TOR3A: variants seen among roughly 807,000 people sequenced by gnomAD.
TOR3A encodes torsin family 3 member A.
TOR3A carries 44 observed loss-of-function variants against 42.1 expected under a neutral mutation model. That is an observed-to-expected ratio of 1.04 (90% CI 0.82 to 1.34). The LOEUF (loss-of-function observed/expected upper bound fraction) is 1.34. TOR3A is among the 40% of genes most tolerant of loss of function. The pLI is 0.00. For synonymous variants in TOR3A, 227 were observed against 213.2 expected (o/e 1.06, Z -0.57); for missense variants, 521 against 507.6 (o/e 1.03, Z -0.25).
At position 179,093,996 on chromosome 1, in the gene TOR3A, A is replaced by C. The variant is rs1216034100; in HGVS notation, c.819-97A>C. 6 of 1,470,928 alleles carry C rather than the reference A, an allele frequency of 4.1e-6. No homozygotes were observed. The African/African-American group carries it at 5.6e-5, about 14-fold the overall frequency. The allele number at this position is 1,470,928 out of a possible 1,614,324, so 91.1% of individuals were successfully genotyped here. ...AGAAGGTCCACGCCCCTCAGCCTCT[A>C]TTCTTCCAGGCACTAATGCATTGGT... is the stretch of plus-strand genomic sequence containing the variant. On this transcript the variant is annotated intron_variant, in intron 4 of 5. Transcript: ENST00000367627.
rs1652644947 is a variant in TOR3A at position 179,093,320 on chromosome 1, TGAGA to T, written c.819-768_819-765del. Among the ~76,000 whole-genome samples the T allele has an allele frequency of 1.3e-5, 2 of 152,166 alleles. 1 individual carries two copies. Among genetic ancestry groups the T allele is most frequent in the South Asian group, 4.1e-4 (2 of 4,824 alleles). ...CCAGTTGCCCAGTGATATCACAACC[TGAGA>T]GAGATCACAGGCAAGCAAAAAACAC... On this transcript the variant is annotated intron_variant, in intron 4 of 5. Transcript: ENST00000367627.
chr1:179,084,330 G>A (rs1652373850), intron 2 of TOR3A, among the ~76,000 whole-genome samples: 1 of 152,110 alleles, frequency 6.6e-6, no homozygotes, highest in South Asian at 2.1e-4. Flanking sequence ...AGGTTCAAGC[G>A]ATTCTCTTCC....
At chr1:179,086,483 G>A (rs1200519167) in intron 3 of TOR3A, among the ~76,000 whole-genome samples, 1 of 152,218 alleles carries the variant, frequency 6.6e-6, no homozygotes, top group East Asian at 1.9e-4. Context: ...TGGCTAACAC[G>A]GTGAAACCCC....
chr1:179,082,898 C>A, intron 1 of TOR3A, 42 bp from the exon 2 acceptor site: 1 of 1,364,392 alleles, frequency 7.3e-7, no homozygotes. Context: ...CTGTAGAGCA[C>A]CGGATGGTCT....
chr1:179,084,971 A>C (rs1652389279), intron 2 of TOR3A, among the ~76,000 whole-genome samples: 1 of 152,232 alleles, frequency 6.6e-6, no homozygotes, highest in Non-Finnish European at 1.5e-5. Context: ...TCCATAAAAC[A>C]GGGAGCCCTG....
chr1:179,082,924 GCTC>G lies in TOR3A; in HGVS notation c.260-10_260-8del, dbSNP rs778105463. ...CGGATGGTCTCCTCTCGGTCTCACA[GCTC>G]CTCCTTTTCCAGGCTGGCGCCTTCC... On this transcript the variant is annotated splice_polypyrimidine_tract_variant and intron_variant, in intron 1 of 5. Coordinates refer to ENST00000367627, the MANE Select transcript of TOR3A (RefSeq NM_022371.4). The G allele has an allele frequency of 1.2e-5, 19 of 1,537,264 alleles. No individual in the cohort carries two copies. In the Admixed American group the frequency reaches 3.4e-4, roughly 27 times the overall value.
chr1:179,082,983 G>A lies in TOR3A; in HGVS notation c.303G>A (p.Leu101=). 2 of 1,591,148 alleles carry A rather than the reference G, an allele frequency of 1.3e-6. No homozygotes were observed. Among genetic ancestry groups the A allele is most frequent in the Non-Finnish European group, 1.7e-6 (2 of 1,169,410 alleles). ...PLLGQRYLDL[L]TTWYCSFKDC... ...TGGGCCAGCGGTACCTGGACCTCCT[G>A]ACCACGTGGTACTGCAGCTTCAAAG... is the stretch of plus-strand genomic sequence containing the variant. The change falls in exon 2 of 6, where the codon CTG becomes CTA. Residue 101 remains leucine, a synonymous_variant. Transcript: ENST00000367627.
intron 3 of TOR3A, 112 bp downstream of exon 3, chr1:179,086,005 G>C (rs936071216): frequency 1.7e-5 from 24 of 1,376,220 alleles, no homozygotes; most frequent in Non-Finnish European, 2.4e-5. Flanking sequence ...GTGGGGACAG[G>C]TGGCAGAACC....
At chr1:179,083,246 C>G (rs914618467) in intron 2 of TOR3A, among the ~76,000 whole-genome samples, 193 bp downstream of exon 2, 27 of 152,108 alleles carry the variant, frequency 1.8e-4, no homozygotes, top group African/African-American at 6.5e-4. Context: ...TAGCCTCTAG[C>G]TTAATAGCCC....
intron 5 of TOR3A, among the ~76,000 whole-genome samples, chr1:179,094,762 C>T (rs1160834539): frequency 6.6e-6 from 1 of 152,114 alleles, no homozygotes; most frequent in Non-Finnish European, 1.5e-5. Flanking sequence ...GCCTGTGGTC[C>T]CAGTTACTCA....
chr1:179,095,410 TTTG>T lies in TOR3A; in HGVS notation c.*193_*195del. On this transcript the variant is annotated 3_prime_UTR_variant, in exon 6 of 6. Transcript: ENST00000367627. The stretch of plus-strand genomic sequence containing the variant: ...AGCCAAGCCAATCCTTTTTCTTTTT[TTTG>T]GAGGTCCCACCGAGATAGATAGGAA... The T allele has an allele frequency of 7.3e-7, 1 of 1,363,306 alleles. No individual in the cohort carries two copies. Among genetic ancestry groups the T allele is most frequent in the Non-Finnish European group, 9.4e-7 (1 of 1,059,466 alleles). 84.5% of individuals were successfully genotyped at this position (1,363,306 alleles called of 1,614,324 possible).
chr1:179,082,634 T>C (rs1269154409), intron 1 of TOR3A: 1 of 713,444 alleles, frequency 1.4e-6, no homozygotes, highest in Non-Finnish European at 2.5e-6. Context: ...CCTCCCCTGA[T>C]CCCTGCGCTT....
chr1:179,090,930 A>G (rs1233664077), intron 4 of TOR3A, among the ~76,000 whole-genome samples: 1 of 152,176 alleles, frequency 6.6e-6, no homozygotes, highest in African/African-American at 2.4e-5. Context: ...TTACAGAACT[A>G]CACAAATAGA....
intron 2 of TOR3A, among the ~76,000 whole-genome samples, chr1:179,084,143 A>AT (rs145170105): frequency 0.017 from 2,558 of 152,294 alleles, 36 homozygotes; most frequent in Non-Finnish European, 0.021. Context: ...TGGCCAGCGG[A>AT]TTGGAGACCC....
chr1:179,094,872 T>A, intron 5 of TOR3A, 96 bp from the exon 6 acceptor site: 2 of 1,219,418 alleles, frequency 1.6e-6, no homozygotes, highest in Non-Finnish European at 2.4e-6. Context: ...AGCAAGCCCC[T>A]GTTTCAAAGA....
chr1:179,083,129 A>C (rs879771567), intron 2 of TOR3A, 76 bp downstream of exon 2: 4 of 866,560 alleles, frequency 4.6e-6, no homozygotes, highest in Non-Finnish European at 5.0e-6. Flanking sequence ...GGTTAGATGC[A>C]AGGGACCTTT....
chr1:179,083,581 CGGGGGGGGG>C (rs78979955), intron 2 of TOR3A, among the ~76,000 whole-genome samples: 56,864 of 102,918 alleles, frequency 0.55, 17,431 homozygotes, highest in Middle Eastern at 0.72. Flanking sequence ...TTAGTAGAGG[CGGGGGGGGG>C]GGGGGGGGGC....
intron 1 of TOR3A, 86 bp downstream of exon 1, chr1:179,082,473 G>A: frequency 6.8e-7 from 1 of 1,474,934 alleles, no homozygotes; most frequent in South Asian, 1.4e-5. Context: ...TCCTGTCCGG[G>A]GCGACATCTG....
intron 4 of TOR3A, 99 bp downstream of exon 4, chr1:179,088,188 C>A (rs1652487803): frequency 3.1e-6 from 4 of 1,269,982 alleles, no homozygotes; most frequent in Non-Finnish European, 4.3e-6. Context: ...AACCTTTCCT[C>A]AAGAAAAAAC....
Sources: allele counts gnomAD v4.1 joint callset (sites outside exome capture counted in the v4.1 genomes callset), GRCh38; gene constraint gnomAD v4.1.1; transcripts MANE v1.5; gene names NCBI Gene and HGNC (gene_info 2026-07-23, HGNC 2026-07-21).